The following CDH22 variants were observed in gnomAD, a reference collection of about 807,000 sequenced individuals.
CDH22 encodes the protein cadherin-22.
A neutral mutation model predicts 58.4 loss-of-function variants in CDH22; 30 were observed. That is an observed-to-expected ratio of 0.51 (90% confidence interval 0.38 to 0.70). The LOEUF is 0.70. Among genes scored for constraint, CDH22 ranks in the 30% least tolerant of loss-of-function variants. The probability of loss-of-function intolerance (pLI) is 0.00; values close to 1 mark genes in which losing one functional copy is unlikely to be tolerated. For missense variants in CDH22, 1,014 were observed against 1,233.9 expected, an observed-to-expected ratio of 0.82 and a Z score of 2.67; for synonymous variants, 513 against 558.2, an observed-to-expected ratio of 0.92 and a Z score of 1.14.
intron 8 of CDH22, among the ~76,000 whole-genome samples, chr20:46,194,100 G>C (rs2085881084): frequency 6.6e-6 from 1 of 152,160 alleles, no homozygotes; most frequent in East Asian, 1.9e-4. Flanking sequence ...GTCTCTCCCT[G>C]CTCCTCAGGA....
intron 10 of CDH22, among the ~76,000 whole-genome samples, chr20:46,181,062 C>T (rs2085780708): frequency 6.6e-6 from 1 of 152,008 alleles, no homozygotes. Flanking sequence ...AGGCATAAGC[C>T]ACCATGACTG....
intron 1 of CDH22, among the ~76,000 whole-genome samples, chr20:46,276,257 G>T (rs2086516515): frequency 6.6e-6 from 1 of 152,174 alleles, no homozygotes; most frequent in Admixed American, 6.5e-5. Flanking sequence ...AGAGACCCTG[G>T]ACTTTAGACA....
intron 1 of CDH22, among the ~76,000 whole-genome samples, chr20:46,252,805 A>G (rs1375542784): frequency 1.3e-5 from 2 of 152,244 alleles, no homozygotes; most frequent in African/African-American, 4.8e-5. Flanking sequence ...TAGGTGGCAT[A>G]TGATCGGGGC....
intron 8 of CDH22, among the ~76,000 whole-genome samples, chr20:46,198,600 C>T (rs944475013): frequency 3.9e-5 from 6 of 152,206 alleles, no homozygotes; most frequent in Non-Finnish European, 7.3e-5. Flanking sequence ...AATGCAGCTG[C>T]CAGAGGTACC....
chr20:46,289,630 T>C (rs2086591720), intron 1 of CDH22, among the ~76,000 whole-genome samples: 2 of 152,188 alleles, frequency 1.3e-5, no homozygotes, highest in South Asian at 2.1e-4. Context: ...GAGTGGGTGC[T>C]CATCAAATGT....
chr20:46,210,461 G>C lies in CDH22; in HGVS notation c.1132C>G (p.Gln378Glu). The change falls in exon 7 of 12, where the codon CAG becomes GAG. Residue 378 changes from glutamine to glutamate, a missense_variant. Coordinates refer to ENST00000537909, the MANE Select transcript of CDH22 (RefSeq NM_021248.3). The surrounding 1 kb of genome is among the most constrained non-coding windows in gnomAD (Gnocchi z 4.5). ...RFADLGTFRD[Q>E]AIVRVAVTDV... ...GTCACGGCCACGCGCACGATCGCCT[G>C]GTCGCGGAACGTGCCCAGGTCGGCG... 1.4e-6 allele frequency: 2 copies of C among 1,435,134 alleles called. No individual in the cohort carries two copies. Among genetic ancestry groups the C allele is most frequent in the Non-Finnish European group, 1.8e-6 (2 of 1,091,688 alleles). The allele number at this position is 1,435,134 out of a possible 1,614,324, so 88.9% of individuals were successfully genotyped here.
chr20:46,203,024 T>C (rs1027213002), intron 7 of CDH22, among the ~76,000 whole-genome samples: 7 of 152,326 alleles, frequency 4.6e-5, no homozygotes, highest in African/African-American at 1.7e-4. Context: ...ATGCTGCTGC[T>C]GCTCCTCCTC....
intron 6 of CDH22, among the ~76,000 whole-genome samples, chr20:46,212,769 G>T (rs565545568): frequency 6.4e-4 from 97 of 152,290 alleles, no homozygotes; most frequent in African/African-American, 2.2e-3. Context: ...TTGAACCCTG[G>T]CTCTGAGAAC....
intron 1 of CDH22, among the ~76,000 whole-genome samples, chr20:46,291,705 A>AAGGCC (rs1484204840): frequency 1.3e-5 from 2 of 152,260 alleles, no homozygotes; most frequent in Non-Finnish European, 2.9e-5. Flanking sequence ...GCCTGACAGC[A>AAGGCC]AGGCCACTTC....
chr20:46,294,573 A>AC (rs1226761873), intron 1 of CDH22, among the ~76,000 whole-genome samples: 2 of 152,106 alleles, frequency 1.3e-5, no homozygotes, highest in Admixed American at 6.5e-5. Context: ...ATCACTGACA[A>AC]CCCCGGGAAA....
chr20:46,267,191 G>A (rs2086465037), intron 1 of CDH22, among the ~76,000 whole-genome samples: 1 of 152,168 alleles, frequency 6.6e-6, no homozygotes. Context: ...TCTGGTGCCA[G>A]AGCCTGTCCT....
intron 10 of CDH22, among the ~76,000 whole-genome samples, chr20:46,179,937 T>C (rs1438895395): frequency 6.7e-6 from 1 of 150,204 alleles, no homozygotes; most frequent in Non-Finnish European, 1.5e-5. Flanking sequence ...TTCACCTTCT[T>C]GCCTGGGCAA....
chr20:46,245,046 T>G (rs2086318457), intron 2 of CDH22, among the ~76,000 whole-genome samples: 1 of 152,190 alleles, frequency 6.6e-6, no homozygotes, highest in African/African-American at 2.4e-5. Context: ...ACCACATATA[T>G]TCTGAAGATT....
At position 46,258,607 on chromosome 20, in the gene CDH22, T is replaced by A. The variant is rs576654895; in HGVS notation, c.-399-6914A>T. On this transcript the variant is annotated intron_variant, in intron 1 of 11. Transcript: ENST00000537909. The stretch of plus-strand genomic sequence containing the variant: ...CTGTGACCTGGCAGATCCTTGCTGC[T>A]CCTGCCTAGGGCTGGGTTTCTCTAG... 1.0e-3 allele frequency among the ~76,000 whole-genome samples: 156 copies of A among 152,286 alleles called. 1 individual carries two copies. Among genetic ancestry groups the A allele is most frequent in the African/African-American group, 3.4e-3 (140 of 41,546 alleles).
At chr20:46,293,440 C>A (rs2086613911) in intron 1 of CDH22, among the ~76,000 whole-genome samples, 1 of 151,828 alleles carries the variant, frequency 6.6e-6, no homozygotes, top group African/African-American at 2.4e-5. Flanking sequence ...AGGCAGGGAA[C>A]CTATGTTTTT....
intron 10 of CDH22, among the ~76,000 whole-genome samples, chr20:46,185,231 G>A (rs141991971): frequency 4.1e-4 from 63 of 152,094 alleles, no homozygotes; most frequent in Admixed American, 1.3e-3. Flanking sequence ...AGCACCCTTC[G>A]CTGAGCCTGG....
At chr20:46,230,223 C>T (rs1294643678) in intron 3 of CDH22, among the ~76,000 whole-genome samples, 7 of 152,172 alleles carry the variant, frequency 4.6e-5, no homozygotes, top group South Asian at 2.1e-4. Context: ...TTCACAGTGC[C>T]GCATCATGTC....
At chr20:46,254,778 G>T (rs1056929948) in intron 1 of CDH22, among the ~76,000 whole-genome samples, 2 of 152,172 alleles carry the variant, frequency 1.3e-5, no homozygotes, top group African/African-American at 4.8e-5. Flanking sequence ...TCTCAGAGGA[G>T]GTGGCATTGG....
chr20:46,303,036 G>T (rs547894266), intron 1 of CDH22, among the ~76,000 whole-genome samples: 1 of 152,052 alleles, frequency 6.6e-6, no homozygotes, highest in Non-Finnish European at 1.5e-5. Context: ...ATCTCCACGC[G>T]CCACTCCCCT....
Sources: allele counts gnomAD v4.1 joint callset (sites outside exome capture counted in the v4.1 genomes callset), GRCh38; gene constraint gnomAD v4.1.1; non-coding constraint Gnocchi (gnomAD v3.1); transcripts MANE v1.5; gene names NCBI Gene and HGNC (gene_info 2026-07-23, HGNC 2026-07-21).